POTEE: variants seen among roughly 807,000 people sequenced by gnomAD.
POTEE encodes ANKRD26-like family C member 1A.
Under a neutral mutation model 74.2 loss-of-function variants are expected in POTEE, and 21 were observed. The observed-to-expected ratio is 0.28, with a 90% CI of 0.20 to 0.41. POTEE has a LOEUF of 0.41. Ranked by LOEUF, POTEE falls within the 10% of genes least tolerant of loss-of-function variation. The pLI is 1.00. For synonymous variants in POTEE, 211 were observed against 432.8 expected, an observed-to-expected ratio of 0.49 and a Z score of 6.36; for missense variants, 525 against 1,158.6, an observed-to-expected ratio of 0.45 and a Z score of 7.94.
chr2:131,228,895 T>C (rs1700862020), intron 8 of POTEE, among the ~76,000 whole-genome samples: 1 of 145,044 alleles, frequency 6.9e-6, no homozygotes, highest in Non-Finnish European at 1.5e-5. Context: ...ATTTTGTTGC[T>C]GCTTTGTGGC....
chr2:131,216,397 G>GA (rs1325583336), intron 2 of POTEE, among the ~76,000 whole-genome samples: 4 of 152,192 alleles, frequency 2.6e-5, no homozygotes, highest in Non-Finnish European at 5.9e-5. Flanking sequence ...TTAGCAAAAA[G>GA]AACAAACCTG....
intron 12 of POTEE, 147 bp downstream of exon 12, chr2:131,239,591 CAAT>C (rs1473175466): frequency 5.6e-5 from 6 of 106,966 alleles, no homozygotes; most frequent in African/African-American, 1.8e-4. Context: ...AATCAGCGAA[CAAT>C]GAGTTACCAT....
intron 4 of POTEE, among the ~76,000 whole-genome samples, chr2:131,221,881 T>C (rs1010562033): frequency 6.6e-6 from 1 of 152,266 alleles, no homozygotes; most frequent in African/African-American, 2.4e-5. Flanking sequence ...TCCCAAGCTG[T>C]GTTCATCCAT....
chr2:131,214,621 T>C (rs1700415481), intron 2 of POTEE, among the ~76,000 whole-genome samples: 1 of 152,114 alleles, frequency 6.6e-6, no homozygotes, highest in African/African-American at 2.4e-5. Context: ...GTAAGAAAAA[T>C]AGAAGCTCTA....
At chr2:131,221,303 C>T (rs1402007609) in intron 4 of POTEE, among the ~76,000 whole-genome samples, 1 of 151,958 alleles carries the variant, frequency 6.6e-6, no homozygotes, top group Non-Finnish European at 1.5e-5. Context: ...TCAGTAGATA[C>T]AGAGATATGT....
At chr2:131,229,889 T>C (rs1428503000) in intron 8 of POTEE, among the ~76,000 whole-genome samples, 1 of 152,164 alleles carries the variant, frequency 6.6e-6, no homozygotes, top group African/African-American at 2.4e-5. Flanking sequence ...GTGCAAAATA[T>C]ATTGTTAGTA....
At chr2:131,237,019 TA>T (rs1236390171) in intron 10 of POTEE, among the ~76,000 whole-genome samples, 3 of 148,702 alleles carry the variant, frequency 2.0e-5, no homozygotes, top group Non-Finnish European at 4.5e-5. Context: ...ATATTTAACT[TA>T]AAAAACATAA....
rs200002532 is a variant in POTEE at position 131,263,890 on chromosome 2, C to G, written c.2435C>G (p.Pro812Arg). The G allele has an allele frequency of 2.9e-3, 4,739 of 1,614,170 alleles. 11 individuals are homozygous for G. The highest frequency in any genetic ancestry group is 7.4e-3 in the Admixed American group (445 of 60,026). The change falls in exon 18 of 18, where the codon CCC becomes CGC. Residue 812 changes from proline to arginine, a missense_variant. Physicochemically the swap from Pro to Arg is moderately radical, Grantham distance 103. Coordinates refer to ENST00000683005, the MANE Select transcript of POTEE (RefSeq NM_001083538.3). ...CTGCTGACCGAGGCCCCCCTGAACC[C>G]CAAGGCCAACCGCGAGAAGATGACC... ...PILLTEAPLNPKANREKMTQI... is the reference protein window; with the variant it reads ...PILLTEAPLNRKANREKMTQI...
At position 131,218,147 on chromosome 2, in the gene POTEE, C is replaced by A. The variant is rs1403525912; in HGVS notation, c.-93-163C>A. The A allele has an allele frequency of 5.0e-6, 4 of 804,882 alleles. No individual in the cohort carries two copies. The East Asian group carries it at 1.2e-4, about 23-fold the overall frequency. The allele number at this position is 804,882 out of a possible 1,614,324, so 49.9% of individuals were successfully genotyped here. On this transcript the variant is annotated intron_variant, in intron 3 of 17. Transcript: ENST00000683005. ...GTTTTCTTGGGGGCGGGGGTTGGCCCTTTCTGGGGTTGGCCCTTTCTGGGG... is the reference window on the plus strand; with the variant it reads ...GTTTTCTTGGGGGCGGGGGTTGGCCATTTCTGGGGTTGGCCCTTTCTGGGG...
At chr2:131,262,966 C>A (rs1261273821) in intron 17 of POTEE, among the ~76,000 whole-genome samples, 6 of 151,906 alleles carry the variant, frequency 3.9e-5, no homozygotes, top group Admixed American at 3.3e-4. Context: ...GAGTGTAAAC[C>A]TAATCTTAAA....
rs1185622060 is a variant in POTEE, at chr2:131,230,984, C to T, written c.1126+78C>T. ...CACCAGGGACCGGTTTTGTGGAAGACAATTTTTCCATGGGCTGGGGGAGGG... is the reference window on the plus strand; with the variant it reads ...CACCAGGGACCGGTTTTGTGGAAGATAATTTTTCCATGGGCTGGGGGAGGG... On this transcript the variant is annotated intron_variant, in intron 9 of 17. Transcript: ENST00000683005. 6.1e-6 allele frequency: 7 copies of T among 1,140,970 alleles called. No individual in the cohort carries two copies. In the Admixed American group the frequency reaches 1.0e-4, roughly 16 times the overall value. 70.7% of individuals were successfully genotyped at this position (1,140,970 alleles called of 1,614,324 possible).
intron 6 of POTEE, 112 bp from the exon 7 acceptor site, chr2:131,226,711 A>G (rs1700789932): frequency 2.0e-6 from 3 of 1,530,462 alleles, no homozygotes; most frequent in Non-Finnish European, 2.7e-6. Flanking sequence ...AGTACATTTT[A>G]TTTACTTTCT....
chr2:131,256,830 C>G (rs1287156476), intron 16 of POTEE, among the ~76,000 whole-genome samples: 1 of 152,124 alleles, frequency 6.6e-6, no homozygotes, highest in Admixed American at 6.5e-5. Context: ...ATAATGAGGA[C>G]TAACAGAAAG....
At chr2:131,226,797 G>A (rs573591671) in intron 6 of POTEE, 26 bp from the exon 7 acceptor site, 2 of 1,611,162 alleles carry the variant, frequency 1.2e-6, no homozygotes, top group Admixed American at 3.3e-5. Context: ...GAATTACATA[G>A]GTTTTTGCTT....
chr2:131,262,861 TA>T (rs1477718701), intron 17 of POTEE, among the ~76,000 whole-genome samples: 1 of 152,284 alleles, frequency 6.6e-6, no homozygotes, highest in Non-Finnish European at 1.5e-5. Context: ...CGTTCTTCAG[TA>T]AAAGAAACTT....
rs1215185027 is a variant in POTEE, at chr2:131,215,543, C to G, written c.-188-2046C>G. On this transcript the variant is annotated intron_variant, in intron 2 of 17. Transcript: ENST00000683005. ...ATCTGTTAATATCACCTTTGGTCAA[C>G]TCTTGGCTAGACCCAATGATAATGT... is the stretch of plus-strand genomic sequence containing the variant. Among the ~76,000 whole-genome samples the G allele has an allele frequency of 2.0e-5, 3 of 151,104 alleles. No homozygotes were observed. The East Asian group carries it at 5.8e-4, about 29-fold the overall frequency.
At chr2:131,215,205 T>G (rs1490236325) in intron 2 of POTEE, among the ~76,000 whole-genome samples, 2 of 152,168 alleles carry the variant, frequency 1.3e-5, no homozygotes, top group African/African-American at 4.8e-5. Context: ...TCAAGTATTT[T>G]TAATCATTTA....
rs752352961 is a variant in POTEE, at chr2:131,263,963, C to T, written c.2508C>T (p.Ile836=). 5.1e-5 allele frequency: 82 copies of T among 1,614,086 alleles called. No individual in the cohort carries two copies. The highest frequency in any genetic ancestry group is 6.7e-5 in the Non-Finnish European group (79 of 1,180,046). ...ACACCCCAGCCATGTACGTGGCCATCCAGGCCGTGCCGTCCCTGTACACCT... is the reference window on the plus strand; with the variant it reads ...ACACCCCAGCCATGTACGTGGCCATTCAGGCCGTGCCGTCCCTGTACACCT... ...TFNTPAMYVA[I]QAVPSLYTSG... is the part of the protein sequence containing the mutation. Residue 836 remains isoleucine, a synonymous_variant, in exon 18 of 18, where the codon ATC becomes ATT. Coordinates refer to ENST00000683005, the MANE Select transcript of POTEE (RefSeq NM_001083538.3).
chr2:131,210,307 T>G, intron 1 of POTEE, among the ~76,000 whole-genome samples: 1 of 84,712 alleles, frequency 1.2e-5, no homozygotes, highest in Non-Finnish European at 2.1e-5. Context: ...CACTATCGGG[T>G]GCTACACTGC....
Sources: allele counts gnomAD v4.1 joint callset (sites outside exome capture counted in the v4.1 genomes callset), GRCh38; gene constraint gnomAD v4.1.1; transcripts MANE v1.5; gene names NCBI Gene and HGNC (gene_info 2026-07-23, HGNC 2026-07-21).